Variants in ZCCHC7 observed in about 807,000 individuals in gnomAD.
The protein encoded by ZCCHC7 is zinc finger CCHC-type containing 7.
In ZCCHC7, 35 loss-of-function variants were observed where a neutral mutation model predicts 52.0. The ratio of observed to expected loss-of-function variants is 0.67; its 90% CI spans 0.51 to 0.89. The LOEUF (loss-of-function observed/expected upper bound fraction) is 0.89. Ranked by LOEUF, ZCCHC7 falls within the 40% of genes least tolerant of loss-of-function variation. The probability of loss-of-function intolerance (pLI) is 0.00; values close to 1 mark genes in which losing one functional copy is unlikely to be tolerated. For synonymous variants in ZCCHC7, 217 were observed against 221.5 expected, an observed-to-expected ratio of 0.98 and a Z score of 0.18; for missense variants, 574 against 649.1, an observed-to-expected ratio of 0.88 and a Z score of 1.26.
intron 2 of ZCCHC7, among the ~76,000 whole-genome samples, chr9:37,285,581 T>G (rs1828168677): frequency 6.6e-6 from 1 of 152,180 alleles, no homozygotes. Flanking sequence ...ATTGTTGTTT[T>G]GGAATATAAT....
At chr9:37,241,040 C>G (rs1588536113) in intron 2 of ZCCHC7, among the ~76,000 whole-genome samples, 1 of 151,874 alleles carries the variant, frequency 6.6e-6, no homozygotes, top group African/African-American at 2.4e-5. Context: ...ATCTAGGCCT[C>G]TTACCACACT....
chr9:37,346,693 G>A (rs1390798877), intron 6 of ZCCHC7, among the ~76,000 whole-genome samples: 4 of 152,014 alleles, frequency 2.6e-5, no homozygotes. Context: ...AACAAAATTA[G>A]GGCTGGCCAT....
intron 6 of ZCCHC7, among the ~76,000 whole-genome samples, chr9:37,341,294 T>A (rs1820622695): frequency 6.6e-6 from 1 of 152,182 alleles, no homozygotes; most frequent in Admixed American, 6.6e-5. Context: ...GGTTTTCCCT[T>A]AATGACATAA....
chr9:37,236,438 C>T (rs1825655194), intron 2 of ZCCHC7, among the ~76,000 whole-genome samples: 1 of 150,846 alleles, frequency 6.6e-6, no homozygotes, highest in Non-Finnish European at 1.5e-5. Flanking sequence ...GTTGCCCAGG[C>T]TGGAGTGCAG....
intron 2 of ZCCHC7, among the ~76,000 whole-genome samples, chr9:37,193,830 T>A (rs915269726): frequency 1.3e-5 from 2 of 152,192 alleles, no homozygotes; most frequent in Non-Finnish European, 2.9e-5. Flanking sequence ...AGGAATTTCT[T>A]TCTCCCTCTT....
chr9:37,302,482 C>T (rs1425793757), intron 3 of ZCCHC7, among the ~76,000 whole-genome samples: 1 of 152,084 alleles, frequency 6.6e-6, no homozygotes, highest in African/African-American at 2.4e-5. Context: ...GCCCATATGG[C>T]CTGGTACCAC....
rs1158437059 is a variant in ZCCHC7, at chr9:37,236,894, TC to T, written c.611-65292del. On this transcript the variant is annotated intron_variant, in intron 2 of 8. Coordinates refer to ENST00000336755, the MANE Select transcript of ZCCHC7 (RefSeq NM_032226.3). ...CCTTCATCTCCTGCATCTCATAATC[TC>T]CTGCCTTTGAGGTTGTGTCATAGAT... 2.0e-5 allele frequency among the ~76,000 whole-genome samples: 3 copies of T among 152,312 alleles called. No homozygotes were observed. The East Asian group carries it at 5.8e-4, about 29-fold the overall frequency.
chr9:37,144,111 T>C (rs972744726), intron 2 of ZCCHC7, among the ~76,000 whole-genome samples: 2 of 151,848 alleles, frequency 1.3e-5, no homozygotes, highest in African/African-American at 4.8e-5. Context: ...ATACATAAAA[T>C]ATGCTAGTGA....
intron 2 of ZCCHC7, among the ~76,000 whole-genome samples, chr9:37,300,294 T>C (rs2133686502): frequency 6.6e-6 from 1 of 152,348 alleles, no homozygotes; most frequent in South Asian, 2.1e-4. Context: ...GTTAACATAA[T>C]TTCAAGTGGT....
chr9:37,317,416 TTAATA>T (rs1313714803), intron 5 of ZCCHC7, among the ~76,000 whole-genome samples: 7 of 152,182 alleles, frequency 4.6e-5, no homozygotes, highest in South Asian at 4.1e-4. Flanking sequence ...GTTTTTTAAC[TTAATA>T]TAAGTATTTC....
intron 2 of ZCCHC7, among the ~76,000 whole-genome samples, chr9:37,197,522 A>G (rs967410257): frequency 6.6e-6 from 1 of 152,206 alleles, no homozygotes; most frequent in African/African-American, 2.4e-5. Context: ...GGCACAGTGA[A>G]CTGTTTTTTA....
intron 6 of ZCCHC7, among the ~76,000 whole-genome samples, chr9:37,336,994 G>A (rs910730938): frequency 1.3e-4 from 20 of 151,998 alleles, no homozygotes; most frequent in African/African-American, 3.9e-4. Flanking sequence ...GCTCCTCTCC[G>A]GACAATTGGC....
At chr9:37,168,014 G>T (rs74517422) in intron 2 of ZCCHC7, among the ~76,000 whole-genome samples, 1 of 152,048 alleles carries the variant, frequency 6.6e-6, no homozygotes, top group Admixed American at 6.5e-5. Context: ...GTATTTCTCT[G>T]TGTAGCATTC....
chr9:37,166,708 T>G (rs917888770), intron 2 of ZCCHC7, among the ~76,000 whole-genome samples: 6 of 152,166 alleles, frequency 3.9e-5, no homozygotes, highest in Non-Finnish European at 5.9e-5. Flanking sequence ...ACTAAGTACT[T>G]CTTTAGGGCA....
intron 2 of ZCCHC7, among the ~76,000 whole-genome samples, chr9:37,178,548 C>G (rs1403952052): frequency 6.6e-6 from 1 of 152,022 alleles, no homozygotes; most frequent in Non-Finnish European, 1.5e-5. Flanking sequence ...AAATAAACCT[C>G]TATATTTCAA....
chr9:37,278,154 GA>G, intron 2 of ZCCHC7, among the ~76,000 whole-genome samples: 1 of 151,894 alleles, frequency 6.6e-6, no homozygotes, highest in Non-Finnish European at 1.5e-5. Flanking sequence ...CGAGCTCCTA[GA>G]CTCTGGTGGT....
chr9:37,284,555 A>C (rs965237901), intron 2 of ZCCHC7, among the ~76,000 whole-genome samples: 1 of 151,898 alleles, frequency 6.6e-6, no homozygotes. Context: ...GACATATTAT[A>C]TGTATTGGAA....
chr9:37,137,447 T>A (rs1448356739), intron 2 of ZCCHC7, among the ~76,000 whole-genome samples: 1 of 152,198 alleles, frequency 6.6e-6, no homozygotes, highest in Non-Finnish European at 1.5e-5. Flanking sequence ...TGTGGCTGGA[T>A]GTGATGAAAT....
At chr9:37,208,963 T>G (rs1472170) in intron 2 of ZCCHC7, among the ~76,000 whole-genome samples, 144,812 of 152,214 alleles carry the variant, frequency 0.95, 68,940 homozygotes, top group South Asian at 0.98. Context: ...CACATTGACT[T>G]CTTTTTAAAA....
Sources: gnomAD v4.1 joint callset for allele counts (sites outside exome capture counted in the v4.1 genomes callset) on GRCh38, gnomAD v4.1.1 for gene constraint, MANE v1.5 for transcripts, NCBI Gene and HGNC (gene_info 2026-07-23, HGNC 2026-07-21) for gene names.